TGM3: variants seen among roughly 807,000 people sequenced by gnomAD.
TGM3 encodes the protein protein-glutamine gamma-glutamyltransferase E.
In TGM3, 52 loss-of-function variants were observed where a neutral mutation model predicts 73.8. That is an observed-to-expected ratio of 0.70 (90% CI 0.56 to 0.89). The LOEUF (loss-of-function observed/expected upper bound fraction) is 0.89. Among genes scored for constraint, TGM3 ranks in the 40% least tolerant of loss-of-function variants. TGM3 has a pLI of 0.00. For missense variants in TGM3, 928 were observed against 909.9 expected, an observed-to-expected ratio of 1.02 and a Z score of -0.26; for synonymous variants, 372 against 354.9, an observed-to-expected ratio of 1.05 and a Z score of -0.54.
At chr20:2,296,193 A>C (rs2084105880) in intron 1 of TGM3, 123 bp downstream of exon 1, 4 of 1,243,894 alleles carry the variant, frequency 3.2e-6, no homozygotes, top group Non-Finnish European at 4.6e-6. Flanking sequence ...TGAAGGCCAG[A>C]CTTCCTATTT....
chr20:2,309,574 C>A, intron 1 of TGM3, 83 bp from the exon 2 acceptor site: 2 of 1,440,572 alleles, frequency 1.4e-6, no homozygotes, highest in Non-Finnish European at 1.9e-6. Context: ...CACCCCAAAG[C>A]TGCTCTTTGG....
chr20:2,338,232 G>A (rs2084362176), intron 11 of TGM3, among the ~76,000 whole-genome samples: 1 of 152,152 alleles, frequency 6.6e-6, no homozygotes, highest in Admixed American at 6.5e-5. Context: ...AAAGGGTGAT[G>A]TCCTCCCAAT....
In TGM3 at chr20:2,340,696, G is replaced by A; in HGVS notation, c.*115G>A. ...CTGGGAAACCCTCTCCATCTCCCAA[G>A]GCTGCCAGACATGGACCTCCAGGCT... On this transcript the variant is annotated 3_prime_UTR_variant, in exon 13 of 13. Transcript: ENST00000381458. The A allele has an allele frequency of 7.0e-7, 1 of 1,428,162 alleles. No individual in the cohort carries two copies. The highest frequency in any genetic ancestry group is 2.0e-5 in the Admixed American group (1 of 51,248). 88.5% of individuals were successfully genotyped at this position (1,428,162 alleles called of 1,614,324 possible).
intron 1 of TGM3, among the ~76,000 whole-genome samples, chr20:2,300,637 G>C (rs1476629541): frequency 6.6e-6 from 1 of 152,166 alleles, no homozygotes; most frequent in African/African-American, 2.4e-5. Context: ...GTTTGATATT[G>C]AGTAAGTGAC....
rs2084307314 is a variant in TGM3 at position 2,329,397 on chromosome 20, G to A, written c.1333+1032G>A. 3.9e-5 allele frequency among the ~76,000 whole-genome samples: 6 copies of A among 152,286 alleles called. No homozygotes were observed. The South Asian group carries it at 1.2e-3, about 32-fold the overall frequency. On this transcript the variant is annotated intron_variant, in intron 9 of 12. Transcript: ENST00000381458. Reference sequence around the variant, plus strand: ...TGCTGGTATTTGTGAACATTTGGAGGCACAGTTTTAGGGTTATGAGATTGG... The same window carrying A: ...TGCTGGTATTTGTGAACATTTGGAGACACAGTTTTAGGGTTATGAGATTGG...
At chr20:2,327,640 A>G (rs534237625) in intron 8 of TGM3, among the ~76,000 whole-genome samples, 3 of 152,300 alleles carry the variant, frequency 2.0e-5, no homozygotes, top group African/African-American at 7.2e-5. Flanking sequence ...CTATCTATCT[A>G]TCTAAGCTTC....
chr20:2,319,342 T>C (rs45545340), intron 7 of TGM3, among the ~76,000 whole-genome samples: 3,388 of 152,302 alleles, frequency 0.022, 65 homozygotes, highest in Non-Finnish European at 0.038. Flanking sequence ...AGCATTTTTA[T>C]GGTGCTGTTA....
intron 4 of TGM3, 86 bp downstream of exon 4, chr20:2,311,215 C>T (rs951722910): frequency 9.4e-7 from 1 of 1,062,500 alleles, no homozygotes; most frequent in Non-Finnish European, 1.5e-6. Context: ...TGGGAAGTCC[C>T]ACATCTGTCC....
chr20:2,335,400 G>C (rs1258394912), intron 11 of TGM3, 127 bp downstream of exon 11: 10 of 1,231,410 alleles, frequency 8.1e-6, no homozygotes, highest in South Asian at 7.5e-5. Flanking sequence ...TTGCTGGGAG[G>C]GGCAGAGAAC....
chr20:2,310,973 G>T (rs778621733), intron 3 of TGM3, 38 bp from the exon 4 acceptor site: 6 of 1,573,996 alleles, frequency 3.8e-6, no homozygotes, highest in Non-Finnish European at 3.5e-6. Flanking sequence ...GTCCTCCGAG[G>T]ATTCTAGTCG....
At chr20:2,324,015 A>C (rs934284843) in intron 7 of TGM3, among the ~76,000 whole-genome samples, 1 of 152,076 alleles carries the variant, frequency 6.6e-6, no homozygotes, top group African/African-American at 2.4e-5. Context: ...TCTATCTAGC[A>C]TGTATGTTGG....
chr20:2,296,550 A>G (rs1167587136), intron 1 of TGM3, among the ~76,000 whole-genome samples: 3 of 152,064 alleles, frequency 2.0e-5, no homozygotes, highest in Non-Finnish European at 4.4e-5. Flanking sequence ...ACCATTGTTT[A>G]TTTCAAATCA....
At position 2,332,332 on chromosome 20, in the gene TGM3, G is replaced by C. The variant is rs41279946; in HGVS notation, c.1642+22G>C. ...GAAGGTAACGCATCCCGCAGTTGGA[G>C]GAGATCCACGAATCCGAGGTAGCCA... is the stretch of plus-strand genomic sequence containing the variant. On this transcript the variant is annotated intron_variant, in intron 10 of 12. Coordinates refer to ENST00000381458, the MANE Select transcript of TGM3 (RefSeq NM_003245.4). This position sits in a 1 kb window ranked among gnomAD's most constrained non-coding sequence, Gnocchi z 4.4. The C allele has an allele frequency of 0.018, 28,471 of 1,549,608 alleles. 314 individuals carry two copies. Among genetic ancestry groups the C allele is most frequent in the Non-Finnish European group, 0.022 (25,092 of 1,147,424 alleles).
rs992852704 is a variant in TGM3 at position 2,328,958 on chromosome 20, G to A, written c.1333+593G>A. On this transcript the variant is annotated intron_variant, in intron 9 of 12. Coordinates refer to ENST00000381458, the MANE Select transcript of TGM3 (RefSeq NM_003245.4). This position sits in a 1 kb window ranked among gnomAD's most constrained non-coding sequence, Gnocchi z 5.2. ...GTCACCTTGGAAAGCCAGTTGCTGC[G>A]AGGCTGCCTCGACTCAATTATATTC... Among the ~76,000 whole-genome samples, 3 of 152,180 alleles carry A rather than the reference G, an allele frequency of 2.0e-5. No individual in the cohort carries two copies. The highest frequency in any genetic ancestry group is 1.3e-4 in the Admixed American group (2 of 15,280).
intron 7 of TGM3, among the ~76,000 whole-genome samples, chr20:2,323,662 C>G (rs1210516498): frequency 6.6e-6 from 1 of 152,214 alleles, no homozygotes; most frequent in Non-Finnish European, 1.5e-5. Flanking sequence ...GCAATTTAAA[C>G]TCCCACCAGT....
At position 2,325,892 on chromosome 20, in the gene TGM3, C is replaced by T. The variant is rs2084284670; in HGVS notation, c.1027C>T (p.Leu343=). 1.3e-6 allele frequency: 2 copies of T among 1,588,416 alleles called. No homozygotes were observed. The highest frequency in any genetic ancestry group is 1.3e-5 in the African/African-American group (1 of 74,386). The change falls in exon 8 of 13, where the codon CTG becomes TTG. Residue 343 remains leucine, a synonymous_variant. Coordinates refer to ENST00000381458, the MANE Select transcript of TGM3 (RefSeq NM_003245.4). ...WNEGWFVRSD[L]GPSYGGWQVL... is the part of the protein sequence containing the mutation. ...TGAAGGCTGGTTTGTGAGGTCTGAC[C>T]TGGGCCCCTCGTACGGTGGATGGCA...
intron 7 of TGM3, among the ~76,000 whole-genome samples, chr20:2,320,259 A>T (rs563366563): frequency 1.3e-5 from 2 of 152,390 alleles, no homozygotes; most frequent in Admixed American, 6.5e-5. Flanking sequence ...GAGATTAAGC[A>T]TTAGAAGTGC....
chr20:2,323,218 C>G (rs538557153), intron 7 of TGM3, among the ~76,000 whole-genome samples: 112 of 152,326 alleles, frequency 7.4e-4, no homozygotes, highest in African/African-American at 2.5e-3. Context: ...CCCCTTCCCA[C>G]CTTTTCTCTC....
chr20:2,299,457 C>G (rs551917892), intron 1 of TGM3, among the ~76,000 whole-genome samples: 1 of 152,106 alleles, frequency 6.6e-6, no homozygotes, highest in Non-Finnish European at 1.5e-5. Flanking sequence ...GCAGGGCTGT[C>G]TCTGCAGATG....
Sources: gnomAD v4.1 joint callset for allele counts (sites outside exome capture counted in the v4.1 genomes callset) on GRCh38, gnomAD v4.1.1 for gene constraint, Gnocchi (gnomAD v3.1) non-coding constraint, MANE v1.5 for transcripts, NCBI Gene and HGNC (gene_info 2026-07-23, HGNC 2026-07-21) for gene names.